The following PHLPP1 variants were observed in gnomAD, a reference collection of about 807,000 sequenced individuals.
The protein encoded by PHLPP1 is PH domain and leucine rich repeat protein phosphatase 1.
Under a neutral mutation model 117.2 loss-of-function variants are expected in PHLPP1, and 42 were observed. The ratio of observed to expected loss-of-function variants is 0.36; its 90% CI spans 0.28 to 0.46. The LOEUF is 0.46. Among genes scored for constraint, PHLPP1 ranks in the 20% least tolerant of loss-of-function variants. The pLI is 1.00. For missense variants in PHLPP1, 2,084 were observed against 2,241.9 expected, an observed-to-expected ratio of 0.93 and a Z score of 1.42; for synonymous variants, 1,042 against 970.7, an observed-to-expected ratio of 1.07 and a Z score of -1.37.
intron 4 of PHLPP1, among the ~76,000 whole-genome samples, chr18:62,868,110 A>G (rs1915813653): frequency 6.6e-6 from 1 of 152,078 alleles, no homozygotes; most frequent in Non-Finnish European, 1.5e-5. Context: ...GTGCCCGGCC[A>G]TATGTGGATT....
intron 1 of PHLPP1, among the ~76,000 whole-genome samples, chr18:62,774,519 T>C (rs746609816): frequency 1.3e-5 from 2 of 152,230 alleles, no homozygotes; most frequent in Non-Finnish European, 2.9e-5. Context: ...TTAGTAAGTC[T>C]TCCTTTGCCC....
Position 62,918,853 on chromosome 18 carries a change from C to CA in PHLPP1, c.2805-1095dup, listed in dbSNP as rs954287079. Among the ~76,000 whole-genome samples the CA allele has an allele frequency of 9.1e-3, 1,221 of 134,644 alleles. 21 individuals carry two copies. Among genetic ancestry groups the CA allele is most frequent in the African/African-American group, 0.029 (1,087 of 37,016 alleles). 88.3% of individuals were successfully genotyped at this position (134,644 alleles called of 152,430 possible). A position where few individuals can be genotyped will look rare whatever the true frequency, so the allele number is the denominator to read the frequency against. ...GGAGTAGATATAAATGTTCTCATCA[C>CA]AAAAAAAAAAAGATAAATATGTGAG... On this transcript the variant is annotated intron_variant, in intron 9 of 16. Coordinates refer to ENST00000262719, the MANE Select transcript of PHLPP1 (RefSeq NM_194449.4).
chr18:62,853,122 A>G (rs1054402429), intron 3 of PHLPP1, among the ~76,000 whole-genome samples: 1 of 152,182 alleles, frequency 6.6e-6, no homozygotes, highest in Non-Finnish European at 1.5e-5. Context: ...TTTGTTGTTC[A>G]CATTAGCATT....
intron 1 of PHLPP1, among the ~76,000 whole-genome samples, chr18:62,741,387 CA>C (rs1471735958): frequency 6.6e-6 from 1 of 152,076 alleles, no homozygotes; most frequent in Non-Finnish European, 1.5e-5. Flanking sequence ...TCTACTTAGT[CA>C]ATTCAGATGT....
At chr18:62,945,606 A>G (rs1381615169) in intron 12 of PHLPP1, among the ~76,000 whole-genome samples, 1 of 152,188 alleles carries the variant, frequency 6.6e-6, no homozygotes, top group Non-Finnish European at 1.5e-5. Flanking sequence ...TATGAGGCTC[A>G]AAGGCTGACG....
At chr18:62,949,421 T>C (rs1250560843) in intron 12 of PHLPP1, among the ~76,000 whole-genome samples, 2 of 152,238 alleles carry the variant, frequency 1.3e-5, no homozygotes, top group East Asian at 3.8e-4. Flanking sequence ...TTGCACCATC[T>C]AATCTTGGAT....
rs148323801 is a variant in PHLPP1, at chr18:62,936,282, AAT to A, written c.2961-5433_2961-5432del. Among the ~76,000 whole-genome samples the A allele has an allele frequency of 3.9e-3, 590 of 152,364 alleles. 3 individuals are homozygous for A. Among genetic ancestry groups the A allele is most frequent in the African/African-American group, 0.014 (573 of 41,590 alleles). On this transcript the variant is annotated intron_variant, in intron 10 of 16. Transcript: ENST00000262719. ...TATCCAGCAGAATAAAATAAACATC[AAT>A]ATGACCATACTGAAATAAAGCAAGT...
intron 5 of PHLPP1, among the ~76,000 whole-genome samples, chr18:62,895,380 T>A (rs1916532049): frequency 6.6e-6 from 1 of 152,230 alleles, no homozygotes; most frequent in Non-Finnish European, 1.5e-5. Context: ...GAACTGAAGA[T>A]CCCTACAGAT....
At chr18:62,733,579 C>T (rs143192089) in intron 1 of PHLPP1, among the ~76,000 whole-genome samples, 4 of 152,112 alleles carry the variant, frequency 2.6e-5, no homozygotes, top group African/African-American at 4.8e-5. Context: ...TTTACTATAT[C>T]GTGATCCTTT....
chr18:62,872,986 C>CA (rs60920082), intron 4 of PHLPP1, among the ~76,000 whole-genome samples: 7,852 of 54,642 alleles, frequency 0.14, 440 homozygotes, highest in Non-Finnish European at 0.21. Context: ...AACTCTGCCT[C>CA]AAAAAAAAAA....
At chr18:62,856,562 G>A (rs1464324210) in intron 3 of PHLPP1, among the ~76,000 whole-genome samples, 1 of 152,034 alleles carries the variant, frequency 6.6e-6, no homozygotes, top group Non-Finnish European at 1.5e-5. Context: ...CGAGTAGCTG[G>A]AACTATAGGC....
intron 1 of PHLPP1, among the ~76,000 whole-genome samples, chr18:62,753,770 C>G (rs542461803): frequency 6.6e-6 from 1 of 152,230 alleles, no homozygotes; most frequent in Non-Finnish European, 1.5e-5. Context: ...TATAATTTCC[C>G]TAAGATTATG....
intron 12 of PHLPP1, among the ~76,000 whole-genome samples, chr18:62,946,924 G>A (rs370945359): frequency 1.3e-5 from 2 of 152,220 alleles, no homozygotes; most frequent in South Asian, 2.1e-4. Flanking sequence ...ATGGTGGCTC[G>A]TGCCTGTAGT....
chr18:62,834,594 T>G (rs1322425641), intron 2 of PHLPP1, among the ~76,000 whole-genome samples: 2 of 152,176 alleles, frequency 1.3e-5, no homozygotes, highest in African/African-American at 2.4e-5. Context: ...ACCAAGTTGT[T>G]TTTCAGGGTC....
At chr18:62,782,038 A>T (rs1444012924) in intron 1 of PHLPP1, among the ~76,000 whole-genome samples, 1 of 152,218 alleles carries the variant, frequency 6.6e-6, no homozygotes, top group Non-Finnish European at 1.5e-5. Context: ...TGTTATGGTC[A>T]TGAATTCTCT....
At chr18:62,930,225 T>C (rs1192809843) in intron 10 of PHLPP1, among the ~76,000 whole-genome samples, 1 of 152,130 alleles carries the variant, frequency 6.6e-6, no homozygotes. Context: ...ATATATATCC[T>C]ATAGAGAGGG....
chr18:62,825,640 G>A (rs1193302771), intron 1 of PHLPP1: 1 of 151,648 alleles, frequency 6.6e-6, no homozygotes, highest in Non-Finnish European at 1.5e-5. Context: ...TTTTTATGGA[G>A]ACGGGGTTTC....
intron 6 of PHLPP1, among the ~76,000 whole-genome samples, chr18:62,901,840 G>C (rs879341275): frequency 5.3e-5 from 8 of 151,802 alleles, no homozygotes; most frequent in Non-Finnish European, 8.8e-5. Flanking sequence ...ATGCTGGCCA[G>C]GCTGGTCTCG....
intron 10 of PHLPP1, among the ~76,000 whole-genome samples, chr18:62,930,896 C>A (rs1345116466): frequency 6.6e-6 from 1 of 152,012 alleles, no homozygotes; most frequent in Non-Finnish European, 1.5e-5. Flanking sequence ...ACTCTCAAAA[C>A]CACACAAATA....
Sources: allele counts gnomAD v4.1 joint callset (sites outside exome capture counted in the v4.1 genomes callset), GRCh38; gene constraint gnomAD v4.1.1; transcripts MANE v1.5; gene names NCBI Gene and HGNC (gene_info 2026-07-23, HGNC 2026-07-21).